MACROD2: variants seen among roughly 807,000 people sequenced by gnomAD.
The protein encoded by MACROD2 is mono-ADP ribosylhydrolase 2.
Under a neutral mutation model 70.4 loss-of-function variants are expected in MACROD2, and 36 were observed. The ratio of observed to expected loss-of-function variants is 0.51; its 90% CI spans 0.39 to 0.68. The LOEUF (loss-of-function observed/expected upper bound fraction) is 0.68. Ranked by LOEUF, MACROD2 falls within the 30% of genes least tolerant of loss-of-function variation. The probability of loss-of-function intolerance (pLI) is 0.00; values close to 1 mark genes in which losing one functional copy is unlikely to be tolerated. For synonymous variants in MACROD2, 172 were observed against 178.8 expected, an observed-to-expected ratio of 0.96 and a Z score of 0.30; for missense variants, 496 against 538.4, an observed-to-expected ratio of 0.92 and a Z score of 0.78.
chr20:14,977,806 GA>G (rs1332119223), intron 5 of MACROD2, among the ~76,000 whole-genome samples: 5 of 152,122 alleles, frequency 3.3e-5, no homozygotes, highest in African/African-American at 4.8e-5. Context: ...AATGTGGGGA[GA>G]AAAAGACAAA....
intron 3 of MACROD2, among the ~76,000 whole-genome samples, chr20:14,160,553 T>G (rs905110185): frequency 1.3e-5 from 2 of 152,156 alleles, no homozygotes; most frequent in African/African-American, 2.4e-5. Context: ...TATATTTCTG[T>G]GGTATCAGTT....
chr20:14,030,407 A>G (rs1248727456), intron 2 of MACROD2, among the ~76,000 whole-genome samples: 1 of 151,516 alleles, frequency 6.6e-6, no homozygotes, highest in Non-Finnish European at 1.5e-5. Flanking sequence ...TTTATTTTTT[A>G]ATTTAATTTC....
chr20:15,811,731 A>G (rs1159607742), intron 8 of MACROD2, among the ~76,000 whole-genome samples: 5 of 152,150 alleles, frequency 3.3e-5, no homozygotes, highest in East Asian at 3.9e-4. Flanking sequence ...GTGTAAAGGC[A>G]GAGAGAATTC....
At chr20:14,404,046 G>A (rs2083666137) in intron 3 of MACROD2, among the ~76,000 whole-genome samples, 1 of 151,978 alleles carries the variant, frequency 6.6e-6, no homozygotes, top group Non-Finnish European at 1.5e-5. Flanking sequence ...TAAATTGAAA[G>A]TATAATAATT....
intron 3 of MACROD2, among the ~76,000 whole-genome samples, chr20:14,428,826 T>C (rs1358606976): frequency 3.9e-5 from 6 of 152,164 alleles, no homozygotes; most frequent in East Asian, 1.9e-4. Flanking sequence ...AGAACTTTCA[T>C]TGAGTGATTT....
At position 15,093,247 on chromosome 20, in the gene MACROD2, T is replaced by C. The variant is rs1170467768; in HGVS notation, c.419-136693T>C. ...GGTTTGTATAAAAGGGTCCCAGGTA[T>C]ATCTGGATGTTTTGATAGGAGTTTA... is the stretch of plus-strand genomic sequence containing the variant. On this transcript the variant is annotated intron_variant, in intron 5 of 17. Coordinates refer to ENST00000684519, the MANE Select transcript of MACROD2 (RefSeq NM_001351661.2). Among the ~76,000 whole-genome samples, 4 of 152,286 alleles carry C rather than the reference T, an allele frequency of 2.6e-5. No individual in the cohort carries two copies. In the South Asian group the frequency reaches 8.3e-4, roughly 32 times the overall value.
chr20:15,558,251 C>G (rs1007441137), intron 8 of MACROD2, among the ~76,000 whole-genome samples: 2 of 152,198 alleles, frequency 1.3e-5, no homozygotes, highest in Admixed American at 1.3e-4. Context: ...CCATTCCATT[C>G]TGATTATCCT....
At position 15,094,013 on chromosome 20, in the gene MACROD2, A is replaced by C. The variant is rs139552497; in HGVS notation, c.419-135927A>C. 1.0e-3 allele frequency among the ~76,000 whole-genome samples: 154 copies of C among 152,318 alleles called. 1 individual carries two copies. Among genetic ancestry groups the C allele is most frequent in the African/African-American group, 3.2e-3 (132 of 41,590 alleles). ...TTGTCCATTGAAGGGTTGGTCAAACATGGTTGTCTGGTCCAATCTTTCTGT... is the reference window on the plus strand; with the variant it reads ...TTGTCCATTGAAGGGTTGGTCAAACCTGGTTGTCTGGTCCAATCTTTCTGT... On this transcript the variant is annotated intron_variant, in intron 5 of 17. Transcript: ENST00000684519.
At chr20:15,008,230 C>G (rs2075055014) in intron 5 of MACROD2, among the ~76,000 whole-genome samples, 1 of 151,996 alleles carries the variant, frequency 6.6e-6, no homozygotes, top group African/African-American at 2.4e-5. Flanking sequence ...TCTGTAATCC[C>G]AGCACTTTAG....
At chr20:14,362,688 A>T (rs2083233433) in intron 3 of MACROD2, among the ~76,000 whole-genome samples, 1 of 152,176 alleles carries the variant, frequency 6.6e-6, no homozygotes, top group Non-Finnish European at 1.5e-5. Flanking sequence ...AACACCAAAA[A>T]GTTCCTTTGG....
chr20:15,673,795 A>C (rs6110723), intron 8 of MACROD2, among the ~76,000 whole-genome samples: 6 of 150,856 alleles, frequency 4.0e-5, no homozygotes, highest in South Asian at 2.1e-4. Flanking sequence ...AAAAAAAAAA[A>C]CAGCCCTGAT....
chr20:15,523,513 G>C (rs2047679845), intron 8 of MACROD2, among the ~76,000 whole-genome samples: 2 of 152,094 alleles, frequency 1.3e-5, no homozygotes, highest in South Asian at 2.1e-4. Context: ...CTCTCACTGG[G>C]TTTTCTGTGC....
chr20:14,351,334 G>T (rs564579037), intron 3 of MACROD2, among the ~76,000 whole-genome samples: 1 of 151,916 alleles, frequency 6.6e-6, no homozygotes, highest in African/African-American at 2.4e-5. Flanking sequence ...GATTGCTCTG[G>T]GTGGTATGGA....
chr20:14,826,373 A>G (rs1458115442), intron 5 of MACROD2, among the ~76,000 whole-genome samples: 1 of 152,126 alleles, frequency 6.6e-6, no homozygotes, highest in East Asian at 1.9e-4. Flanking sequence ...AATGTCTCTA[A>G]TACAAATTCT....
intron 5 of MACROD2, among the ~76,000 whole-genome samples, chr20:14,929,796 A>G (rs2074275791): frequency 6.6e-6 from 1 of 152,152 alleles, no homozygotes; most frequent in Admixed American, 6.5e-5. Flanking sequence ...TATCACTCGG[A>G]TAATTCCAAG....
intron 8 of MACROD2, among the ~76,000 whole-genome samples, chr20:15,641,876 T>G (rs2049465226): frequency 6.6e-6 from 1 of 152,184 alleles, no homozygotes. Flanking sequence ...GCCAAAACCC[T>G]TAATAAAATT....
intron 8 of MACROD2, among the ~76,000 whole-genome samples, chr20:15,778,441 G>A (rs986386440): frequency 6.6e-6 from 1 of 151,894 alleles, no homozygotes; most frequent in Admixed American, 6.6e-5. Flanking sequence ...ATTCATAAGC[G>A]ACACATAATA....
intron 2 of MACROD2, among the ~76,000 whole-genome samples, chr20:14,064,896 A>G (rs1156731803): frequency 6.6e-6 from 1 of 152,272 alleles, no homozygotes; most frequent in Non-Finnish European, 1.5e-5. Context: ...TAATATTCAA[A>G]GAAATCTGGA....
intron 3 of MACROD2, among the ~76,000 whole-genome samples, chr20:14,298,392 A>T (rs2082445100): frequency 1.3e-5 from 2 of 151,718 alleles, no homozygotes; most frequent in African/African-American, 4.9e-5. Flanking sequence ...ACATGGTGAA[A>T]CTCCATCTCT....
Sources: gnomAD v4.1 joint callset for allele counts (sites outside exome capture counted in the v4.1 genomes callset) on GRCh38, gnomAD v4.1.1 for gene constraint, MANE v1.5 for transcripts, NCBI Gene and HGNC (gene_info 2026-07-23, HGNC 2026-07-21) for gene names.